Variants in MLIP observed in about 807,000 individuals in gnomAD.
MLIP encodes the protein muscular LMNA interacting protein.
Under a neutral mutation model 84.8 loss-of-function variants are expected in MLIP, and 79 were observed. The observed-to-expected ratio is 0.93, with a 90% CI of 0.78 to 1.12. MLIP has a LOEUF of 1.12. Among genes scored for constraint, MLIP ranks in the 50% most tolerant of loss-of-function variants. MLIP has a pLI of 0.00. For synonymous variants in MLIP, 504 were observed against 463.0 expected (o/e 1.09, Z -1.14); for missense variants, 1,257 against 1,160.6 (o/e 1.08, Z -1.21).
At chr6:54,153,347 T>A (rs1471411409) in intron 5 of MLIP, among the ~76,000 whole-genome samples, 1 of 152,104 alleles carries the variant, frequency 6.6e-6, no homozygotes, top group Non-Finnish European at 1.5e-5. Flanking sequence ...TTGTTTCATT[T>A]TTTGAGATGG....
intron 4 of MLIP, among the ~76,000 whole-genome samples, chr6:54,145,035 G>C (rs1002850021): frequency 6.6e-6 from 1 of 152,114 alleles, no homozygotes; most frequent in African/African-American, 2.4e-5. Context: ...ACTTTGACCT[G>C]CACCATGCAG....
intron 12 of MLIP, among the ~76,000 whole-genome samples, chr6:54,253,241 G>T (rs1201327084): frequency 6.6e-6 from 1 of 152,120 alleles, no homozygotes; most frequent in East Asian, 1.9e-4. Context: ...TTGAGGGATG[G>T]TCTTGAGAAG....
chr6:54,056,424 T>C (rs777264652), intron 1 of MLIP, among the ~76,000 whole-genome samples: 2 of 152,330 alleles, frequency 1.3e-5, no homozygotes, highest in Non-Finnish European at 2.9e-5. Flanking sequence ...TTTGGGAAGA[T>C]GTTGCTTTCT....
At chr6:54,168,997 AT>A (rs1775493954) in intron 8 of MLIP, among the ~76,000 whole-genome samples, 1 of 151,642 alleles carries the variant, frequency 6.6e-6, no homozygotes, top group African/African-American at 2.4e-5. Flanking sequence ...AAGGTCAGTG[AT>A]TTGGAAGTCC....
intron 12 of MLIP, among the ~76,000 whole-genome samples, chr6:54,251,120 T>C (rs9464046): frequency 0.13 from 20,463 of 151,824 alleles, 2,003 homozygotes; most frequent in African/African-American, 0.27. Context: ...ACAACTCCAG[T>C]GTATCTGAAT....
intron 1 of MLIP, among the ~76,000 whole-genome samples, chr6:54,078,691 C>CTTTTTT (rs70980890): frequency 6.7e-5 from 9 of 133,360 alleles, no homozygotes; most frequent in Admixed American, 2.4e-4. Context: ...TTCTTTCTTT[C>CTTTTTT]TTTTTTTTTT....
chr6:54,098,842 C>T (rs767274791), intron 1 of MLIP, among the ~76,000 whole-genome samples: 5 of 152,092 alleles, frequency 3.3e-5, no homozygotes, highest in Non-Finnish European at 5.9e-5. Context: ...CAACCTTATG[C>T]GGTAGCTACT....
At chr6:54,068,055 C>CCTTCCTTCCTTCCTTCCTTCCTTA (rs1766299445) in intron 1 of MLIP, among the ~76,000 whole-genome samples, 1 of 66,306 alleles carries the variant, frequency 1.5e-5, no homozygotes, top group African/African-American at 3.4e-5. Flanking sequence ...TTCCTTCCTT[C>CCTTCCTTCCTTCCTTCCTTCCTTA]CTTCCTTCCT....
chr6:54,224,334 A>C (rs990864044), intron 11 of MLIP, among the ~76,000 whole-genome samples: 1 of 151,952 alleles, frequency 6.6e-6, no homozygotes, highest in African/African-American at 2.4e-5. Flanking sequence ...GAATTAGGAA[A>C]TCCACAGGAA....
chr6:54,247,382 G>T (rs1352283098), intron 12 of MLIP, among the ~76,000 whole-genome samples: 1 of 152,064 alleles, frequency 6.6e-6, no homozygotes, highest in Non-Finnish European at 1.5e-5. Flanking sequence ...AACATAGCTG[G>T]AAGTAAAAGA....
Position 54,196,034 on chromosome 6 carries a change from C to T in MLIP, c.2590-6071C>T, listed in dbSNP as rs576403457. 7.9e-5 allele frequency among the ~76,000 whole-genome samples: 12 copies of T among 152,232 alleles called. No individual in the cohort carries two copies. In the South Asian group the frequency reaches 2.5e-3, roughly 31 times the overall value. ...TTCTTCTGAGGGTGAAACTCACCAA[C>T]CCACTTTCCTTCTTCTCATCCTCTA... On this transcript the variant is annotated intron_variant, in intron 10 of 13. Coordinates refer to ENST00000502396, the MANE Select transcript of MLIP (RefSeq NM_001281747.2).
At chr6:54,178,737 C>G (rs980268922) in intron 9 of MLIP, among the ~76,000 whole-genome samples, 2 of 152,052 alleles carry the variant, frequency 1.3e-5, no homozygotes, top group African/African-American at 2.4e-5. Flanking sequence ...AGCTTAATCT[C>G]CTGGTGGTCA....
intron 10 of MLIP, among the ~76,000 whole-genome samples, chr6:54,200,624 T>G (rs200854525): frequency 1.1e-3 from 10 of 9,046 alleles, no homozygotes; most frequent in South Asian, 0.042. Flanking sequence ...TTTTTTTTTT[T>G]TTTTTTTTTG....
intron 1 of MLIP, among the ~76,000 whole-genome samples, chr6:54,117,870 C>T (rs1044645236): frequency 1.3e-5 from 2 of 151,826 alleles, no homozygotes; most frequent in African/African-American, 2.4e-5. Flanking sequence ...GGCATGAACC[C>T]GGGAGTGGAG....
intron 9 of MLIP, among the ~76,000 whole-genome samples, chr6:54,183,803 G>A (rs1001102562): frequency 7.0e-6 from 1 of 143,056 alleles, no homozygotes; most frequent in Non-Finnish European, 1.5e-5. Flanking sequence ...GGAGTGCAGT[G>A]GCGCGATCGT....
At chr6:54,122,573 A>G (rs1190813420) in intron 2 of MLIP, among the ~76,000 whole-genome samples, 1 of 152,244 alleles carries the variant, frequency 6.6e-6, no homozygotes, top group Non-Finnish European at 1.5e-5. Context: ...CTTGTCTACA[A>G]GAAAACATCT....
chr6:54,139,111 C>A (rs528373996), intron 4 of MLIP, among the ~76,000 whole-genome samples: 1,557 of 152,158 alleles, frequency 0.01, 33 homozygotes, highest in African/African-American at 0.035. Flanking sequence ...ATATGTGTAC[C>A]ACTATACTAG....
At chr6:54,259,375 A>G (rs1783233664) in intron 13 of MLIP, among the ~76,000 whole-genome samples, 1 of 151,924 alleles carries the variant, frequency 6.6e-6, no homozygotes, top group Admixed American at 6.6e-5. Context: ...TTTCTTTCAA[A>G]TACAATAATT....
At chr6:54,123,936 T>A (rs1009193018) in intron 2 of MLIP, among the ~76,000 whole-genome samples, 3 of 152,198 alleles carry the variant, frequency 2.0e-5, no homozygotes, top group African/African-American at 7.2e-5. Context: ...TATCTGCATC[T>A]TTTTTGGTGT....
Sources: allele counts gnomAD v4.1 joint callset (sites outside exome capture counted in the v4.1 genomes callset), GRCh38; gene constraint gnomAD v4.1.1; transcripts MANE v1.5; gene names NCBI Gene and HGNC (gene_info 2026-07-23, HGNC 2026-07-21).